SERGEF: variants seen among roughly 807,000 people sequenced by gnomAD.
The protein encoded by SERGEF is secretion regulating guanine nucleotide exchange factor, also known as secretion-regulating guanine nucleotide exchange factor.
SERGEF carries 51 observed loss-of-function variants against 50.0 expected under a neutral mutation model. That is an observed-to-expected ratio of 1.02 (90% CI 0.81 to 1.29). The LOEUF is 1.29. SERGEF is among the 50% of genes most tolerant of loss of function. The pLI is 0.00. For missense variants in SERGEF, 521 were observed against 557.0 expected (o/e 0.94, Z 0.65); for synonymous variants, 205 against 212.4 (o/e 0.97, Z 0.30).
chr11:18,000,494 C>A lies in SERGEF; in HGVS notation c.508+3G>T. 1 of 1,557,588 alleles carries A rather than the reference C, an allele frequency of 6.4e-7. No individual in the cohort carries two copies. The highest frequency in any genetic ancestry group is 8.7e-7 in the Non-Finnish European group (1 of 1,152,002). On this transcript the variant is annotated splice_donor_region_variant and intron_variant, in intron 5 of 10. Transcript: ENST00000265965. ...AATAAAAAAATAAAGATAAGATGAT[C>A]ACCTGTAGCAGCTACTGCATGCCTC...
chr11:17,792,003 C>T (rs148079450), intron 10 of SERGEF, among the ~76,000 whole-genome samples: 3 of 152,142 alleles, frequency 2.0e-5, no homozygotes, highest in African/African-American at 4.8e-5. Context: ...TATGGTTCTA[C>T]GCAGTAAAAA....
chr11:17,808,371 G>A (rs1849803020), intron 10 of SERGEF, among the ~76,000 whole-genome samples: 1 of 152,206 alleles, frequency 6.6e-6, no homozygotes, highest in Non-Finnish European at 1.5e-5. Context: ...GGAAGGCAAA[G>A]GGGGAGCAGG....
At chr11:17,886,325 T>C (rs777836074) in intron 9 of SERGEF, among the ~76,000 whole-genome samples, 6 of 152,170 alleles carry the variant, frequency 3.9e-5, no homozygotes, top group Non-Finnish European at 8.8e-5. Context: ...GAAGAGTTCT[T>C]CAAGCTGGAC....
chr11:17,998,739 G>A (rs1853899000), intron 5 of SERGEF, among the ~76,000 whole-genome samples: 1 of 150,772 alleles, frequency 6.6e-6, no homozygotes, highest in Admixed American at 6.6e-5. Context: ...CTTATAAAAA[G>A]GAAGAGACAT....
intron 9 of SERGEF, among the ~76,000 whole-genome samples, chr11:17,924,479 G>A (rs968556622): frequency 1.3e-5 from 2 of 152,128 alleles, no homozygotes; most frequent in African/African-American, 4.8e-5. Context: ...AGATGACTTA[G>A]AGCCAAAAAT....
intron 9 of SERGEF, among the ~76,000 whole-genome samples, chr11:17,948,036 T>C (rs1852700621): frequency 6.8e-6 from 1 of 147,278 alleles, no homozygotes; most frequent in Admixed American, 6.8e-5. Flanking sequence ...AACTGCAACC[T>C]CCATTTCCCA....
intron 10 of SERGEF, among the ~76,000 whole-genome samples, chr11:17,800,136 A>C (rs562212209): frequency 6.6e-6 from 1 of 152,320 alleles, no homozygotes; most frequent in East Asian, 1.9e-4. Context: ...AATACTTTTA[A>C]TATATATTAA....
chr11:17,913,136 G>A (rs1851984667), intron 9 of SERGEF, among the ~76,000 whole-genome samples: 2 of 152,174 alleles, frequency 1.3e-5, no homozygotes, highest in Non-Finnish European at 2.9e-5. Context: ...GGTAGTATAT[G>A]ACCCTGGGGA....
intron 9 of SERGEF, among the ~76,000 whole-genome samples, chr11:17,943,169 A>G (rs2133957726): frequency 6.6e-6 from 1 of 152,274 alleles, no homozygotes. Flanking sequence ...TTACTTAAAT[A>G]TCTGATAAAG....
intron 8 of SERGEF, among the ~76,000 whole-genome samples, chr11:17,964,628 C>T (rs1391527047): frequency 1.3e-5 from 2 of 152,152 alleles, no homozygotes; most frequent in African/African-American, 2.4e-5. Flanking sequence ...GGTCACATGA[C>T]CTCTTCAGTC....
chr11:18,012,726 G>C (rs1323468968), intron 1 of SERGEF: 6 of 1,315,334 alleles, frequency 4.6e-6, no homozygotes, highest in Non-Finnish European at 6.1e-6. Flanking sequence ...CTCCGGCCCT[G>C]ACCCCGCCAG....
At chr11:18,011,137 T>TACACAC (rs57370560) in intron 1 of SERGEF, among the ~76,000 whole-genome samples, 15,947 of 147,662 alleles carry the variant, frequency 0.11, 917 homozygotes, top group Middle Eastern at 0.18. Flanking sequence ...CATGCACACA[T>TACACAC]ACACACACAC....
intron 8 of SERGEF, among the ~76,000 whole-genome samples, chr11:17,972,369 A>G (rs192166956): frequency 3.9e-4 from 59 of 152,234 alleles, no homozygotes; most frequent in Non-Finnish European, 7.4e-5. Context: ...TGTCACAGCC[A>G]CTCCAGTCTT....
rs77106445 is a variant in SERGEF at position 17,997,533 on chromosome 11, T to A, written c.509-1624A>T. 5.6e-3 allele frequency among the ~76,000 whole-genome samples: 852 copies of A among 152,210 alleles called. 10 individuals are homozygous for A. The highest frequency in any genetic ancestry group is 9.1e-3 in the Non-Finnish European group (620 of 68,012). ...TAATAATTTCACTTCTGGGTACACATCCAAAAGAATTGAAAGCAGGATCTT... is the reference window on the plus strand; with the variant it reads ...TAATAATTTCACTTCTGGGTACACAACCAAAAGAATTGAAAGCAGGATCTT... On this transcript the variant is annotated intron_variant, in intron 5 of 10. Transcript: ENST00000265965.
At chr11:17,814,081 G>A (rs1394848597) in intron 10 of SERGEF, among the ~76,000 whole-genome samples, 1 of 152,214 alleles carries the variant, frequency 6.6e-6, no homozygotes, top group Non-Finnish European at 1.5e-5. Context: ...AGGGAAGTTG[G>A]AAGGAAATGT....
intron 9 of SERGEF, among the ~76,000 whole-genome samples, chr11:17,920,044 G>A (rs192556954): frequency 2.6e-5 from 4 of 151,460 alleles, no homozygotes; most frequent in African/African-American, 9.7e-5. Flanking sequence ...TCAGGGAATC[G>A]AGACTATCCT....
In SERGEF at chr11:17,911,395, A is replaced by G. The variant is rs189285894; in HGVS notation, c.1012-33151T>C. Among the ~76,000 whole-genome samples the G allele has an allele frequency of 2.8e-4, 41 of 147,782 alleles. 1 individual carries two copies. In the East Asian group the frequency reaches 5.9e-3, roughly 21 times the overall value. ...ATATATATAAAATATATATACACAC[A>G]TATATATACACACACACATATATTT... On this transcript the variant is annotated intron_variant, in intron 9 of 10. Coordinates refer to ENST00000265965, the MANE Select transcript of SERGEF (RefSeq NM_012139.4).
intron 9 of SERGEF, among the ~76,000 whole-genome samples, chr11:17,914,574 G>T (rs540930829): frequency 1.2e-4 from 19 of 152,088 alleles, no homozygotes; most frequent in African/African-American, 4.6e-4. Context: ...ATGTACTACT[G>T]CCCTCAGCTA....
chr11:17,851,485 C>A (rs949648358), intron 10 of SERGEF, among the ~76,000 whole-genome samples: 1 of 152,042 alleles, frequency 6.6e-6, no homozygotes, highest in African/African-American at 2.4e-5. Flanking sequence ...CTCTATAGAG[C>A]CCCCGCACAT....
Sources: gnomAD v4.1 joint callset for allele counts (sites outside exome capture counted in the v4.1 genomes callset) on GRCh38, gnomAD v4.1.1 for gene constraint, MANE v1.5 for transcripts, NCBI Gene and HGNC (gene_info 2026-07-23, HGNC 2026-07-21) for gene names.